OR51B5: variants seen among roughly 807,000 people sequenced by gnomAD.
OR51B5 encodes olfactory receptor 51B5.
For synonymous variants in OR51B5, 186 were observed against 144.8 expected (o/e 1.28, Z -2.04); for missense variants, 456 against 374.6 (o/e 1.22, Z -1.79).
chr11:5,451,676 T>A (rs957134019), intron 1 of OR51B5, among the ~76,000 whole-genome samples: 3 of 152,204 alleles, frequency 2.0e-5, no homozygotes, highest in Non-Finnish European at 4.4e-5. Flanking sequence ...TACTTTTAGA[T>A]ACCTCATATG....
Position 5,422,859 on chromosome 11 carries a change from A to C in OR51B5, n.85-75949T>G, listed in dbSNP as rs141090592. The stretch of plus-strand genomic sequence containing the variant: ...GATCCTCTGCTCATTGTGATCTCCT[A>C]TACACTTATTCTGAAAAATATCTTG... On this transcript the variant is annotated intron_variant and non_coding_transcript_variant, in intron 1 of 4. Transcript: ENST00000415970. The C allele has an allele frequency of 1.9e-6, 3 of 1,613,926 alleles. No individual in the cohort carries two copies. In the African/African-American group the frequency reaches 4.0e-5, roughly 22 times the overall value.
intron 1 of OR51B5, among the ~76,000 whole-genome samples, chr11:5,411,889 T>C (rs1316586974): frequency 6.6e-6 from 1 of 152,172 alleles, no homozygotes; most frequent in Non-Finnish European, 1.5e-5. Flanking sequence ...GGTTGGCCTC[T>C]ACAAGCTGGA....
At chr11:5,351,902 C>T in intron 1 of OR51B5, 5 of 1,613,164 alleles carry the variant, frequency 3.1e-6, no homozygotes, top group Non-Finnish European at 4.2e-6. Context: ...AGATATACCT[C>T]TATCCTGACC....
intron 1 of OR51B5, among the ~76,000 whole-genome samples, chr11:5,375,310 A>ACCTAAAAGAGCT (rs1564791779): frequency 6.6e-6 from 1 of 151,616 alleles, no homozygotes; most frequent in African/African-American, 2.4e-5. Context: ...ACCAGGCCTG[A>ACCTAAAAGAGCT]CCTAAAAGAG....
intron 1 of OR51B5, among the ~76,000 whole-genome samples, chr11:5,400,813 G>A (rs898476124): frequency 2.6e-5 from 4 of 152,192 alleles, no homozygotes; most frequent in Non-Finnish European, 4.4e-5. Context: ...TGTGCTCACT[G>A]GTTATAGATC....
chr11:5,485,653 C>T, intron 1 of OR51B5, among the ~76,000 whole-genome samples: 1 of 152,188 alleles, frequency 6.6e-6, no homozygotes, highest in East Asian at 1.9e-4. Flanking sequence ...GCTTCCAAAC[C>T]CATCAGGCAG....
chr11:5,482,024 C>A (rs201645476), intron 1 of OR51B5, among the ~76,000 whole-genome samples: 1 of 114,664 alleles, frequency 8.7e-6, no homozygotes, highest in Admixed American at 9.0e-5. Context: ...TCATATGGAA[C>A]CAAAAAAGAG....
chr11:5,351,725 T>C, intron 1 of OR51B5: 1 of 1,614,072 alleles, frequency 6.2e-7, no homozygotes, highest in East Asian at 2.2e-5. Flanking sequence ...GGAGTGACAT[T>C]GACCACAATG....
chr11:5,474,338 C>G (rs550869205), intron 1 of OR51B5, among the ~76,000 whole-genome samples: 1 of 152,040 alleles, frequency 6.6e-6, no homozygotes, highest in East Asian at 1.9e-4. Context: ...CCAACACACA[C>G]ACATAAAATC....
At chr11:5,422,727 TCTCTCG>T (rs1390636652) in intron 1 of OR51B5, 5 of 1,614,048 alleles carry the variant, frequency 3.1e-6, no homozygotes, top group Non-Finnish European at 4.2e-6. Context: ...TCCCACCTTC[TCTCTCG>T]CTCCTATTGC....
At chr11:5,440,669 G>A in intron 1 of OR51B5, 1 of 1,613,886 alleles carries the variant, frequency 6.2e-7, no homozygotes, top group Non-Finnish European at 8.5e-7. Flanking sequence ...GTACAAACAG[G>A]TAGACATTGG....
chr11:5,418,439 AAAAAC>A (rs1850275363), intron 1 of OR51B5, among the ~76,000 whole-genome samples: 1 of 132,346 alleles, frequency 7.6e-6, no homozygotes, highest in Non-Finnish European at 1.8e-5. Context: ...AAACAAAAAG[AAAAAC>A]AAAACAAACA....
chr11:5,409,719 G>A (rs923960386), intron 1 of OR51B5, among the ~76,000 whole-genome samples: 8 of 152,082 alleles, frequency 5.3e-5, no homozygotes, highest in African/African-American at 1.7e-4. Context: ...AAACAATAGA[G>A]GAAAAGGAGG....
intron 1 of OR51B5, among the ~76,000 whole-genome samples, chr11:5,386,655 G>A (rs1460557327): frequency 6.8e-6 from 1 of 146,202 alleles, no homozygotes; most frequent in Non-Finnish European, 1.5e-5. Flanking sequence ...CTGCAGTAGA[G>A]GATGGACCAA....
chr11:5,424,914 G>A (rs1464794931), intron 1 of OR51B5, among the ~76,000 whole-genome samples: 3 of 105,758 alleles, frequency 2.8e-5, no homozygotes, highest in East Asian at 2.1e-4. Context: ...CCCGGGAGGC[G>A]GAGCTTGCAG....
At chr11:5,424,372 C>CA (rs926075824) in intron 1 of OR51B5, among the ~76,000 whole-genome samples, 66 of 141,034 alleles carry the variant, frequency 4.7e-4, no homozygotes, top group African/African-American at 1.5e-3. Flanking sequence ...AACAAACAAA[C>CA]AAAAAAACAC....
chr11:5,360,210 A>C (rs890540342), intron 1 of OR51B5, among the ~76,000 whole-genome samples: 36 of 151,946 alleles, frequency 2.4e-4, no homozygotes, highest in African/African-American at 4.8e-4. Context: ...AACAGGCAAC[A>C]TACAGAATGG....
At chr11:5,408,921 T>A (rs1850102081) in intron 1 of OR51B5, among the ~76,000 whole-genome samples, 1 of 152,106 alleles carries the variant, frequency 6.6e-6, no homozygotes, top group Admixed American at 6.5e-5. Context: ...CCATAACCTA[T>A]AATAATATTT....
intron 1 of OR51B5, among the ~76,000 whole-genome samples, chr11:5,367,762 A>G (rs960802510): frequency 1.3e-5 from 2 of 152,186 alleles, no homozygotes; most frequent in Non-Finnish European, 1.5e-5. Flanking sequence ...TCTGGTTCAA[A>G]TGCCTCTGAC....
Sources: gnomAD v4.1 joint callset for allele counts (sites outside exome capture counted in the v4.1 genomes callset) on GRCh38, gnomAD v4.1.1 for gene constraint, MANE v1.5 for transcripts, NCBI Gene and HGNC (gene_info 2026-07-23, HGNC 2026-07-21) for gene names.